Variants in ARID1A observed in about 807,000 individuals in gnomAD.
ARID1A encodes the protein AT-rich interaction domain 1A, also known as AT-rich interactive domain-containing protein 1A.
ARID1A carries 20 observed loss-of-function variants against 212.6 expected under a neutral mutation model. That is an observed-to-expected ratio of 0.09 (90% confidence interval 0.07 to 0.14). The LOEUF (loss-of-function observed/expected upper bound fraction) is 0.14, where lower values mean the gene tolerates loss of function less well. Ranked by LOEUF, ARID1A falls within the 10% of genes least tolerant of loss-of-function variation. The pLI, the probability that ARID1A is intolerant of heterozygous loss-of-function variation, is 1.00. For synonymous variants in ARID1A, 1,376 were observed against 1,222.1 expected, an observed-to-expected ratio of 1.13 and a Z score of -2.63; for missense variants, 2,587 against 3,059.0, an observed-to-expected ratio of 0.85 and a Z score of 3.64.
chr1:26,721,483 T>C (rs1305887624), intron 1 of ARID1A, among the ~76,000 whole-genome samples: 1 of 152,192 alleles, frequency 6.6e-6, no homozygotes, highest in Non-Finnish European at 1.5e-5. Context: ...ATTACAGGCG[T>C]GAGCCACCGC....
intron 10 of ARID1A, 107 bp downstream of exon 10, chr1:26,766,673 G>T: frequency 8.7e-7 from 1 of 1,148,114 alleles, no homozygotes; most frequent in Non-Finnish European, 1.2e-6. Flanking sequence ...TATGACACCG[G>T]ACTAGATAGT....
chr1:26,742,967 CAAAAA>C (rs1047084353), intron 4 of ARID1A, among the ~76,000 whole-genome samples: 8 of 151,844 alleles, frequency 5.3e-5, no homozygotes, highest in Non-Finnish European at 1.2e-4. Flanking sequence ...GAGACTGTCT[CAAAAA>C]AAGAAATATA....
At position 26,700,922 on chromosome 1, in the gene ARID1A, A is replaced by T. The variant is rs11577673; in HGVS notation, c.1137+3382A>T. ...TGATGAGGATTGAGATGGTGGTGTGAGAACAGAGAAAGCAGCCAGGACCAG... is the reference window on the plus strand; with the variant it reads ...TGATGAGGATTGAGATGGTGGTGTGTGAACAGAGAAAGCAGCCAGGACCAG... On this transcript the variant is annotated intron_variant, in intron 1 of 19. Coordinates refer to ENST00000324856, the MANE Select transcript of ARID1A (RefSeq NM_006015.6). Among the ~76,000 whole-genome samples, 949 of 152,312 alleles carry T rather than the reference A, an allele frequency of 6.2e-3. 7 individuals are homozygous for T. Among genetic ancestry groups the T allele is most frequent in the Middle Eastern group, 0.024 (7 of 294 alleles).
Position 26,762,968 on chromosome 1 carries a change from C to T in ARID1A, c.2420-5C>T, listed in dbSNP as rs1165997615. The T allele has an allele frequency of 6.3e-7, 1 of 1,577,392 alleles. No individual in the cohort carries two copies. Among genetic ancestry groups the T allele is most frequent in the African/African-American group, 1.3e-5 (1 of 74,516 alleles). ...TAACCAAGTCTTGTCTTCCTCCCCT[C>T]CCAGGTGGCTACCCCAGGCAGCCAA... On this transcript the variant is annotated splice_region_variant and splice_polypyrimidine_tract_variant and intron_variant, in intron 7 of 19. Coordinates refer to ENST00000324856, the MANE Select transcript of ARID1A (RefSeq NM_006015.6).
In ARID1A at chr1:26,696,980, G is replaced by A. The variant is rs967763683; in HGVS notation, c.577G>A (p.Glu193Lys). 1.3e-6 allele frequency: 2 copies of A among 1,497,436 alleles called. No homozygotes were observed. Among genetic ancestry groups the A allele is most frequent in the African/African-American group, 1.5e-5 (1 of 68,266 alleles). The allele number at this position is 1,497,436 out of a possible 1,614,324, so 92.8% of individuals were successfully genotyped here. Reference protein sequence around the residue: ...ALQSGGGGGLEPYAGPQQNSH... With the variant: ...ALQSGGGGGLKPYAGPQQNSH... ...GCAGAGCGGCGGCGGCGGGGGCCTG[G>A]AGCCCTACGCGGGGCCCCAGCAGAA... Residue 193 changes from glutamate (E) to lysine (K), a missense_variant, in exon 1 of 20, where the codon GAG (glutamate) becomes AAG (lysine). Transcript: ENST00000324856.
chr1:26,698,624 A>G (rs1350658749), intron 1 of ARID1A, among the ~76,000 whole-genome samples: 2 of 152,252 alleles, frequency 1.3e-5, no homozygotes, highest in African/African-American at 4.8e-5. Flanking sequence ...CTGTGTTGTC[A>G]GAACAGTAGC....
At chr1:26,756,725 C>T (rs1297939406) in intron 4 of ARID1A, among the ~76,000 whole-genome samples, 6 of 150,996 alleles carry the variant, frequency 4.0e-5, no homozygotes, top group East Asian at 2.0e-4. Context: ...TTTTTTGAGA[C>T]GGAGTCTCGC....
In ARID1A at chr1:26,699,460, C is replaced by G. The variant is rs144006838; in HGVS notation, c.1137+1920C>G. On this transcript the variant is annotated intron_variant, in intron 1 of 19. Coordinates refer to ENST00000324856, the MANE Select transcript of ARID1A (RefSeq NM_006015.6). ...ATTTTGTTCACTTACTAGCTGTATT[C>G]CCAGCCCATCCTAGAGCTACTTTAC... 1.1e-4 allele frequency among the ~76,000 whole-genome samples: 17 copies of G among 152,286 alleles called. No homozygotes were observed. The East Asian group carries it at 3.3e-3, about 29-fold the overall frequency.
chr1:26,732,888 C>A, intron 4 of ARID1A, 96 bp downstream of exon 4: 1 of 1,056,834 alleles, frequency 9.5e-7, no homozygotes, highest in Non-Finnish European at 1.4e-6. Context: ...TAATTTTGAC[C>A]TAAATGAATA....
chr1:26,753,877 G>T (rs2080906063), intron 4 of ARID1A, among the ~76,000 whole-genome samples: 1 of 152,220 alleles, frequency 6.6e-6, no homozygotes, highest in African/African-American at 2.4e-5. Context: ...CGTGATCTCG[G>T]CTCATTGCAA....
intron 2 of ARID1A, 71 bp downstream of exon 2, chr1:26,729,934 A>T: frequency 6.5e-7 from 1 of 1,539,472 alleles, no homozygotes; most frequent in Non-Finnish European, 8.9e-7. Context: ...ATAGAATCAG[A>T]ATGTATCCTT....
Position 26,696,091 on chromosome 1 carries a change from T to C in ARID1A, c.-313T>C. 2.3e-6 allele frequency: 1 copy of C among 442,984 alleles called. No individual in the cohort carries two copies. The highest frequency in any genetic ancestry group is 3.1e-6 in the Non-Finnish European group (1 of 323,794). 27.4% of individuals were successfully genotyped at this position (442,984 alleles called of 1,614,324 possible). ...GGGAGCGGAGCCTCCACCGCCCCCC[T>C]CATTCCCAGGCAAGGGCTTGGGGGG... On this transcript the variant is annotated 5_prime_UTR_variant, in exon 1 of 20. Transcript: ENST00000324856.
At chr1:26,772,408 T>A in intron 12 of ARID1A, 92 bp from the exon 13 acceptor site, 1 of 1,577,014 alleles carries the variant, frequency 6.3e-7, no homozygotes, top group Non-Finnish European at 8.7e-7. Flanking sequence ...GGAAGAACTT[T>A]CCCAAAGAGA....
At chr1:26,719,723 C>T (rs1034174222) in intron 1 of ARID1A, among the ~76,000 whole-genome samples, 10 of 147,284 alleles carry the variant, frequency 6.8e-5, no homozygotes, top group African/African-American at 2.3e-4. Context: ...GGCAGATCAC[C>T]TGAGGTCAGG....
chr1:26,742,234 C>A (rs530264506), intron 4 of ARID1A, among the ~76,000 whole-genome samples: 133 of 152,330 alleles, frequency 8.7e-4, no homozygotes, highest in African/African-American at 2.9e-3. Context: ...TTCCATTTTA[C>A]TTCTGTTTTC....
chr1:26,757,967 T>G (rs1478308880), intron 4 of ARID1A, among the ~76,000 whole-genome samples: 1 of 152,240 alleles, frequency 6.6e-6, no homozygotes, highest in East Asian at 1.9e-4. Flanking sequence ...CGATTTGAAC[T>G]GAACCAAGTT....
chr1:26,763,303 G>C lies in ARID1A; in HGVS notation c.2732+18G>C, dbSNP rs771046849. 6.4e-6 allele frequency: 10 copies of C among 1,574,120 alleles called. No individual in the cohort carries two copies. In the Admixed American group the frequency reaches 1.8e-4, roughly 28 times the overall value. ...CAAAACAGGTAAGGCCTGGGAAGCAGAGAGGGTGTCAGTGCAAGAAAATGT... is the reference window on the plus strand; with the variant it reads ...CAAAACAGGTAAGGCCTGGGAAGCACAGAGGGTGTCAGTGCAAGAAAATGT... On this transcript the variant is annotated intron_variant, in intron 8 of 19. Coordinates refer to ENST00000324856, the MANE Select transcript of ARID1A (RefSeq NM_006015.6).
chr1:26,775,300 G>T (rs2124124920), intron 18 of ARID1A, 80 bp downstream of exon 18: 1 of 1,497,036 alleles, frequency 6.7e-7, no homozygotes, highest in Admixed American at 2.4e-5. Flanking sequence ...TACTATTCTG[G>T]ATGAGGTTGA....
chr1:26,710,613 C>T (rs1003206524), intron 1 of ARID1A, among the ~76,000 whole-genome samples: 1 of 151,700 alleles, frequency 6.6e-6, no homozygotes, highest in African/African-American at 2.4e-5. Flanking sequence ...TTACTAGGTC[C>T]TGTTAAGAAG....
Sources: allele counts gnomAD v4.1 joint callset (sites outside exome capture counted in the v4.1 genomes callset), GRCh38; gene constraint gnomAD v4.1.1; transcripts MANE v1.5; gene names NCBI Gene and HGNC (gene_info 2026-07-23, HGNC 2026-07-21).